The following RAP1A variants were observed in gnomAD, a reference collection of about 807,000 sequenced individuals.
The protein encoded by RAP1A is RAP1A, member of RAS oncogene family, also known as ras-related protein Rap-1A.
Under a neutral mutation model 26.4 loss-of-function variants are expected in RAP1A, and 6 were observed. The ratio of observed to expected loss-of-function variants is 0.23; its 90% CI spans 0.12 to 0.45. The LOEUF (loss-of-function observed/expected upper bound fraction) is 0.45, where lower values mean the gene tolerates loss of function less well. Ranked by LOEUF, RAP1A falls within the 20% of genes least tolerant of loss-of-function variation. RAP1A has a pLI of 0.99. For missense variants in RAP1A, 121 were observed against 217.2 expected, an observed-to-expected ratio of 0.56 and a Z score of 2.78; for synonymous variants, 73 against 79.4, an observed-to-expected ratio of 0.92 and a Z score of 0.43.
At chr1:111,660,641 A>G (rs922192172) in intron 1 of RAP1A, among the ~76,000 whole-genome samples, 1 of 152,148 alleles carries the variant, frequency 6.6e-6, no homozygotes, top group African/African-American at 2.4e-5. Flanking sequence ...TCTCTTTTAC[A>G]ACCAGAGAGA....
intron 2 of RAP1A, among the ~76,000 whole-genome samples, chr1:111,694,643 G>GA (rs1299355808): frequency 6.6e-6 from 1 of 152,198 alleles, no homozygotes. Flanking sequence ...TTGGAATCAG[G>GA]AAGATGTATG....
intron 1 of RAP1A, among the ~76,000 whole-genome samples, chr1:111,625,098 A>G (rs1308827967): frequency 6.6e-6 from 1 of 152,226 alleles, no homozygotes; most frequent in African/African-American, 2.4e-5. Flanking sequence ...GCCATATTTC[A>G]TAAGAATAGC....
At chr1:111,633,472 G>C (rs1008883874) in intron 1 of RAP1A, among the ~76,000 whole-genome samples, 17 of 152,174 alleles carry the variant, frequency 1.1e-4, no homozygotes, top group African/African-American at 4.1e-4. Flanking sequence ...ATTTGGGAGG[G>C]AGAATCTTAT....
chr1:111,577,128 T>A (rs2101058419), intron 1 of RAP1A, among the ~76,000 whole-genome samples: 1 of 152,046 alleles, frequency 6.6e-6, no homozygotes, highest in South Asian at 2.1e-4. Flanking sequence ...TTTGCTGAGG[T>A]GCGGTGGCTC....
chr1:111,671,259 A>G (rs1004987100), intron 1 of RAP1A, among the ~76,000 whole-genome samples: 13 of 152,196 alleles, frequency 8.5e-5, no homozygotes, highest in African/African-American at 3.1e-4. Context: ...CACCACGCCC[A>G]ACTAAAACAT....
intron 1 of RAP1A, among the ~76,000 whole-genome samples, chr1:111,544,623 G>C (rs112382299): frequency 2.6e-5 from 4 of 152,068 alleles, no homozygotes; most frequent in African/African-American, 9.7e-5. Context: ...CATTTGGTTT[G>C]TTCCATTTTC....
chr1:111,615,901 T>C (rs1384582831), upstream of RAP1A, among the ~76,000 whole-genome samples: 1 of 151,998 alleles, frequency 6.6e-6, no homozygotes, highest in Non-Finnish European at 1.5e-5. Context: ...AATAGCCATA[T>C]GTAACTCCTG....
At chr1:111,614,442 T>C (rs528071) in intron 1 of RAP1A, among the ~76,000 whole-genome samples, 59,591 of 152,064 alleles carry the variant, frequency 0.39, 11,908 homozygotes, top group East Asian at 0.5. Context: ...TTTATTGATA[T>C]GTATCACAAT....
intron 1 of RAP1A, among the ~76,000 whole-genome samples, chr1:111,613,405 T>C (rs1447200645): frequency 6.6e-6 from 1 of 152,140 alleles, no homozygotes; most frequent in Non-Finnish European, 1.5e-5. Context: ...TTCACCGTGT[T>C]AGCTAGGATG....
intron 1 of RAP1A, among the ~76,000 whole-genome samples, chr1:111,645,934 G>C (rs1660051301): frequency 6.6e-6 from 1 of 152,228 alleles, no homozygotes; most frequent in Non-Finnish European, 1.5e-5. Context: ...GCTCAAAGCT[G>C]ATGCTTCAGT....
chr1:111,688,265 CTGTGTGTGTGTG>C (rs60277735), intron 1 of RAP1A, among the ~76,000 whole-genome samples: 38 of 135,412 alleles, frequency 2.8e-4, no homozygotes, highest in African/African-American at 1.0e-3. Flanking sequence ...CACAAGAAGT[CTGTGTGTGTGTG>C]TGTGTGTGTG....
At chr1:111,579,536 T>C (rs1658211035) in intron 1 of RAP1A, among the ~76,000 whole-genome samples, 1 of 152,186 alleles carries the variant, frequency 6.6e-6, no homozygotes, top group African/African-American at 2.4e-5. Flanking sequence ...CCAGAGGGTT[T>C]TGAAGAGGGC....
At chr1:111,631,464 A>G (rs1486266190) in intron 1 of RAP1A, among the ~76,000 whole-genome samples, 1 of 152,208 alleles carries the variant, frequency 6.6e-6, no homozygotes. Flanking sequence ...TGCACAGTAA[A>G]TCTACAAAGT....
In RAP1A at chr1:111,663,677, A is replaced by G. The variant is rs1315336008; in HGVS notation, c.-27-27657A>G. ...TACCGAATATAGTGGAAAAGGTCTTAGGCATTAGTGTTAGACGACACCTAG... is the reference window on the plus strand; with the variant it reads ...TACCGAATATAGTGGAAAAGGTCTTGGGCATTAGTGTTAGACGACACCTAG... On this transcript the variant is annotated intron_variant, in intron 1 of 7. Coordinates refer to ENST00000369709, the MANE Select transcript of RAP1A (RefSeq NM_002884.4). Among the ~76,000 whole-genome samples, 9 of 152,350 alleles carry G rather than the reference A, an allele frequency of 5.9e-5. No individual in the cohort carries two copies. In the East Asian group the frequency reaches 1.5e-3, roughly 26 times the overall value.
intron 1 of RAP1A, among the ~76,000 whole-genome samples, chr1:111,564,443 G>C (rs778422812): frequency 2.0e-5 from 3 of 151,692 alleles, no homozygotes; most frequent in Non-Finnish European, 4.4e-5. Flanking sequence ...CCCAGAGATT[G>C]AAGATGCTGT....
chr1:111,561,701 G>A (rs1293380975), intron 1 of RAP1A, among the ~76,000 whole-genome samples: 2 of 152,214 alleles, frequency 1.3e-5, no homozygotes, highest in East Asian at 3.9e-4. Context: ...CTCATTTATG[G>A]AAGTGTCTCT....
chr1:111,655,194 A>T (rs2101144447), intron 1 of RAP1A, among the ~76,000 whole-genome samples: 1 of 152,120 alleles, frequency 6.6e-6, no homozygotes, highest in South Asian at 2.1e-4. Context: ...CTATGAGGGG[A>T]AAATGACCAT....
chr1:111,684,822 C>G (rs1282057710), intron 1 of RAP1A, among the ~76,000 whole-genome samples: 5 of 152,100 alleles, frequency 3.3e-5, no homozygotes, highest in Non-Finnish European at 5.9e-5. Context: ...CCCATATAGC[C>G]AAGATGGTGC....
intron 1 of RAP1A, among the ~76,000 whole-genome samples, chr1:111,621,280 A>G (rs757869453): frequency 2.6e-5 from 4 of 152,188 alleles, no homozygotes; most frequent in Non-Finnish European, 4.4e-5. Context: ...GTGGGGGTGG[A>G]CATGCCTATG....
Sources: allele counts gnomAD v4.1 joint callset (sites outside exome capture counted in the v4.1 genomes callset), GRCh38; gene constraint gnomAD v4.1.1; transcripts MANE v1.5; gene names NCBI Gene and HGNC (gene_info 2026-07-23, HGNC 2026-07-21).